The following GRID2 variants were observed in gnomAD, a reference collection of about 807,000 sequenced individuals.
The protein encoded by GRID2 is glutamate receptor ionotropic, delta-2.
A neutral mutation model predicts 114.8 loss-of-function variants in GRID2; 33 were observed. That is an observed-to-expected ratio of 0.29 (90% confidence interval 0.22 to 0.38). The LOEUF is 0.38. GRID2 is among the 10% of genes least tolerant of loss of function. The probability of loss-of-function intolerance (pLI) is 1.00; values close to 1 mark genes in which losing one functional copy is unlikely to be tolerated. For synonymous variants in GRID2, 505 were observed against 449.9 expected (o/e 1.12, Z -1.55); for missense variants, 1,184 against 1,257.7 (o/e 0.94, Z 0.89).
intron 1 of GRID2, among the ~76,000 whole-genome samples, chr4:92,560,710 A>AC (rs958629086): frequency 6.7e-6 from 1 of 150,002 alleles, no homozygotes; most frequent in African/African-American, 2.4e-5. Context: ...CATGGAACTA[A>AC]TTTTTTTTTT....
chr4:92,726,806 G>T (rs568249015), intron 2 of GRID2, among the ~76,000 whole-genome samples: 2 of 151,972 alleles, frequency 1.3e-5, no homozygotes, highest in African/African-American at 4.8e-5. Context: ...CGGCTCCAGC[G>T]AAATAATTTG....
chr4:93,204,653 T>C lies in GRID2; in HGVS notation c.736-2751T>C, dbSNP rs139639358. Among the ~76,000 whole-genome samples the C allele has an allele frequency of 1.7e-3, 261 of 152,278 alleles. 3 individuals are homozygous for C. Among genetic ancestry groups the C allele is most frequent in the Middle Eastern group, 6.8e-3 (2 of 294 alleles). On this transcript the variant is annotated intron_variant, in intron 4 of 15. Transcript: ENST00000282020. ...CTCAATATTATTTCTTGCTTTTGCC[T>C]AACATACTTTAAGATGAAGAGCCAT...
At chr4:93,460,668 G>T (rs944864060) in intron 11 of GRID2, among the ~76,000 whole-genome samples, 2 of 151,652 alleles carry the variant, frequency 1.3e-5, no homozygotes, top group Non-Finnish European at 2.9e-5. Context: ...ATAGTTAAGT[G>T]CCTTGTACAT....
chr4:93,233,119 C>T (rs1350888598), intron 7 of GRID2, among the ~76,000 whole-genome samples: 1 of 151,954 alleles, frequency 6.6e-6, no homozygotes, highest in African/African-American at 2.4e-5. Context: ...AAGAATGCCT[C>T]ATGCAAATGA....
Position 92,741,308 on chromosome 4 carries a change from A to G in GRID2, c.244+151022A>G, listed in dbSNP as rs77863828. 2.3e-3 allele frequency among the ~76,000 whole-genome samples: 348 copies of G among 152,290 alleles called. 10 individuals are homozygous for G. In the East Asian group the frequency reaches 0.057, roughly 25 times the overall value. On this transcript the variant is annotated intron_variant, in intron 2 of 15. Coordinates refer to ENST00000282020, the MANE Select transcript of GRID2 (RefSeq NM_001510.4). ...AACACTGTCAGTCACATTGCACCAT[A>G]TAAGATTCAGATAATCGTAATAATT...
intron 14 of GRID2, among the ~76,000 whole-genome samples, chr4:93,649,373 C>G (rs901686611): frequency 2.0e-5 from 3 of 152,080 alleles, no homozygotes; most frequent in Non-Finnish European, 4.4e-5. Context: ...CTCTCCTTAT[C>G]CCAGTAAAGT....
intron 8 of GRID2, among the ~76,000 whole-genome samples, chr4:93,384,633 A>G (rs1010202464): frequency 3.3e-5 from 5 of 152,276 alleles, no homozygotes; most frequent in African/African-American, 1.2e-4. Flanking sequence ...GGTATTTAAT[A>G]AATAACTGTC....
chr4:92,487,307 T>C (rs979377417), intron 1 of GRID2, among the ~76,000 whole-genome samples: 5 of 152,038 alleles, frequency 3.3e-5, no homozygotes, highest in Non-Finnish European at 7.4e-5. Flanking sequence ...AATTTAAACA[T>C]TTAATATGAT....
intron 14 of GRID2, among the ~76,000 whole-genome samples, chr4:93,724,327 C>T (rs866066559): frequency 1.1e-4 from 16 of 152,172 alleles, no homozygotes; most frequent in Admixed American, 2.0e-4. Context: ...ACTAGGCAGC[C>T]AACCTCCTTT....
At chr4:92,391,902 ACTGGTGT>A (rs1437498464) in intron 1 of GRID2, among the ~76,000 whole-genome samples, 2 of 152,308 alleles carry the variant, frequency 1.3e-5, no homozygotes, top group Admixed American at 6.5e-5. Flanking sequence ...AGACTCCCAC[ACTGGTGT>A]CTGCTGCTAA....
chr4:92,461,882 A>G (rs1349759921), intron 1 of GRID2, among the ~76,000 whole-genome samples: 3 of 152,000 alleles, frequency 2.0e-5, no homozygotes, highest in Admixed American at 1.3e-4. Flanking sequence ...TCATCAGCCT[A>G]GAAGTGTCTA....
intron 13 of GRID2, among the ~76,000 whole-genome samples, chr4:93,562,823 G>A (rs180680263): frequency 6.6e-6 from 1 of 152,060 alleles, no homozygotes. Flanking sequence ...TTGCTCCTTT[G>A]TCAAAGATCA....
At chr4:92,321,200 T>G (rs552210634) in intron 1 of GRID2, among the ~76,000 whole-genome samples, 16 of 152,252 alleles carry the variant, frequency 1.1e-4, no homozygotes, top group African/African-American at 3.6e-4. Flanking sequence ...GAGATCCCAT[T>G]TAGAACCAAA....
chr4:92,988,779 T>C (rs965224232), intron 2 of GRID2, among the ~76,000 whole-genome samples: 2 of 152,200 alleles, frequency 1.3e-5, no homozygotes, highest in African/African-American at 4.8e-5. Context: ...ATAAATAGCA[T>C]AATTGTGGAA....
intron 1 of GRID2, among the ~76,000 whole-genome samples, chr4:92,400,295 C>T (rs982155553): frequency 6.6e-6 from 1 of 152,166 alleles, no homozygotes. Context: ...AAACCACCAA[C>T]ATACATTCTT....
At chr4:92,804,823 G>T (rs1740336382) in intron 2 of GRID2, among the ~76,000 whole-genome samples, 1 of 152,032 alleles carries the variant, frequency 6.6e-6, no homozygotes, top group Middle Eastern at 3.4e-3. Flanking sequence ...TTGTAAATAG[G>T]CTGGAGCCTA....
intron 2 of GRID2, among the ~76,000 whole-genome samples, chr4:92,813,945 G>C (rs1266301395): frequency 6.6e-6 from 1 of 152,038 alleles, no homozygotes; most frequent in Non-Finnish European, 1.5e-5. Flanking sequence ...CCAGTTCTCT[G>C]TTCCTACTCA....
chr4:93,351,195 A>G (rs1760764878), intron 8 of GRID2, among the ~76,000 whole-genome samples: 2 of 152,090 alleles, frequency 1.3e-5, no homozygotes, highest in Admixed American at 6.6e-5. Flanking sequence ...TTTTTAAAAC[A>G]CAGGTCATGC....
At chr4:92,736,899 A>T (rs1736627361) in intron 2 of GRID2, among the ~76,000 whole-genome samples, 1 of 152,114 alleles carries the variant, frequency 6.6e-6, no homozygotes, top group Non-Finnish European at 1.5e-5. Context: ...AAAATACATC[A>T]GCCTTAGCAA....
Sources: gnomAD v4.1 joint callset for allele counts (sites outside exome capture counted in the v4.1 genomes callset) on GRCh38, gnomAD v4.1.1 for gene constraint, MANE v1.5 for transcripts, NCBI Gene and HGNC (gene_info 2026-07-23, HGNC 2026-07-21) for gene names.